FIGN: variants seen among roughly 807,000 people sequenced by gnomAD.
The protein encoded by FIGN is fidgetin.
Under a neutral mutation model 51.3 loss-of-function variants are expected in FIGN, and 11 were observed. The observed-to-expected ratio is 0.21, with a 90% CI of 0.13 to 0.35. The LOEUF (loss-of-function observed/expected upper bound fraction) is 0.35. Ranked by LOEUF, FIGN falls within the 10% of genes least tolerant of loss-of-function variation. FIGN has a pLI of 1.00. For missense variants in FIGN, 857 were observed against 943.6 expected (o/e 0.91, Z 1.20); for synonymous variants, 407 against 363.2 (o/e 1.12, Z -1.37).
chr2:163,624,706 A>ATT (rs1359391782), intron 2 of FIGN, among the ~76,000 whole-genome samples: 39 of 133,804 alleles, frequency 2.9e-4, no homozygotes, highest in African/African-American at 7.5e-4. Context: ...ATATATATAT[A>ATT]TATTTTTTTT....
At chr2:163,648,963 T>G (rs1683427417) in intron 2 of FIGN, among the ~76,000 whole-genome samples, 1 of 152,166 alleles carries the variant, frequency 6.6e-6, no homozygotes. Context: ...ATTGGTACAC[T>G]TTAATTTTTT....
At chr2:163,662,042 G>A (rs1036671606) in intron 2 of FIGN, among the ~76,000 whole-genome samples, 3 of 152,166 alleles carry the variant, frequency 2.0e-5, no homozygotes, top group African/African-American at 4.8e-5. Context: ...GGCAGAGGTT[G>A]GAAGAGTTTG....
chr2:163,634,313 T>A (rs1683193670), intron 2 of FIGN, among the ~76,000 whole-genome samples: 1 of 152,166 alleles, frequency 6.6e-6, no homozygotes, highest in South Asian at 2.1e-4. Context: ...CACTTTAATA[T>A]ATTTTGAATT....
At chr2:163,723,013 T>C (rs7606895) in intron 2 of FIGN, among the ~76,000 whole-genome samples, 41,538 of 151,436 alleles carry the variant, frequency 0.27, 7,558 homozygotes, top group African/African-American at 0.52. Context: ...GGTGAAACCC[T>C]GTCTCTCCTA....
In FIGN at chr2:163,675,620, C is replaced by T. The variant is rs1348241297; in HGVS notation, c.25+59283G>A. ...TTCTTGATCCAGATATCTGCATGTG[C>T]GCATGCCCAGCCCTTGTGTTTCTAG... On this transcript the variant is annotated intron_variant, in intron 2 of 2. Transcript: ENST00000333129. 4.5e-4 allele frequency among the ~76,000 whole-genome samples: 69 copies of T among 151,742 alleles called. 1 individual carries two copies. The highest frequency in any genetic ancestry group is 2.1e-4 in the South Asian group (1 of 4,824).
rs1459749587 is a variant in FIGN, at chr2:163,676,434, A to AAAAT, written c.25+58468_25+58469insATTT. ...ATTAAAACATCTCATGGATTCCTGG[A>AAAAT]ATATATATATATATATATATATATA... On this transcript the variant is annotated intron_variant, in intron 2 of 2. Transcript: ENST00000333129. Among the ~76,000 whole-genome samples the AAAAT allele has an allele frequency of 3.8e-4, 25 of 65,856 alleles. 2 individuals carry two copies. Among genetic ancestry groups the AAAAT allele is most frequent in the Non-Finnish European group, 4.7e-4 (15 of 31,670 alleles). The allele number at this position is 65,856 out of a possible 152,430, so 43.2% of individuals were successfully genotyped here. A position where few individuals can be genotyped will look rare whatever the true frequency, so the allele number is the denominator to read the frequency against.
At chr2:163,660,738 C>T (rs1248500151) in intron 2 of FIGN, among the ~76,000 whole-genome samples, 18 of 100,678 alleles carry the variant, frequency 1.8e-4, no homozygotes, top group African/African-American at 6.6e-4. Flanking sequence ...TACACATATA[C>T]ATATATATGT....
rs56890172 is a variant in FIGN at position 163,705,673 on chromosome 2, G to C, written c.25+29230C>G. Among the ~76,000 whole-genome samples the C allele has an allele frequency of 2.8e-3, 428 of 150,770 alleles. 1 individual carries two copies. The highest frequency in any genetic ancestry group is 0.01 in the African/African-American group (413 of 41,120). On this transcript the variant is annotated intron_variant, in intron 2 of 2. Transcript: ENST00000333129. ...TTTTGACAATCCTAATAGATGTGATGCAAGATTACTCCCCACAACTCTCAA... is the reference window on the plus strand; with the variant it reads ...TTTTGACAATCCTAATAGATGTGATCCAAGATTACTCCCCACAACTCTCAA...
At chr2:163,731,347 A>T (rs558958413) in intron 2 of FIGN, among the ~76,000 whole-genome samples, 1 of 152,296 alleles carries the variant, frequency 6.6e-6, no homozygotes, top group East Asian at 1.9e-4. Context: ...TTAGAAATGC[A>T]AAGTAATAAT....
intron 1 of FIGN, among the ~76,000 whole-genome samples, chr2:163,735,557 C>T (rs180845207): frequency 2.0e-5 from 3 of 152,214 alleles, no homozygotes; most frequent in Non-Finnish European, 2.9e-5. Context: ...CCCAATATAG[C>T]GAAAAGCGAG....
intron 2 of FIGN, among the ~76,000 whole-genome samples, chr2:163,706,381 G>A (rs1205383647): frequency 6.6e-6 from 1 of 152,094 alleles, no homozygotes; most frequent in Non-Finnish European, 1.5e-5. Flanking sequence ...AGTATGTAAA[G>A]ATGGCGGCTT....
chr2:163,661,169 C>G (rs1683672952), intron 2 of FIGN, among the ~76,000 whole-genome samples: 1 of 150,540 alleles, frequency 6.6e-6, no homozygotes, highest in South Asian at 2.1e-4. Flanking sequence ...CAGGCGTGAG[C>G]CACCGCGCCT....
At chr2:163,733,599 A>T (rs1684965236) in intron 2 of FIGN, among the ~76,000 whole-genome samples, 1 of 152,226 alleles carries the variant, frequency 6.6e-6, no homozygotes. Flanking sequence ...AACATTTCTC[A>T]GGGCAAATTA....
At chr2:163,707,040 T>C (rs1482341399) in intron 2 of FIGN, among the ~76,000 whole-genome samples, 1 of 152,212 alleles carries the variant, frequency 6.6e-6, no homozygotes, top group Non-Finnish European at 1.5e-5. Context: ...ACAAGAGTTA[T>C]ATAATTATTC....
At chr2:163,635,855 A>T (rs1486328400) in intron 2 of FIGN, among the ~76,000 whole-genome samples, 1 of 152,220 alleles carries the variant, frequency 6.6e-6, no homozygotes, top group Non-Finnish European at 1.5e-5. Flanking sequence ...AGATCACTAA[A>T]GAAAATGAAA....
At chr2:163,723,456 C>T (rs916195651) in intron 2 of FIGN, among the ~76,000 whole-genome samples, 9 of 152,152 alleles carry the variant, frequency 5.9e-5, no homozygotes, top group African/African-American at 2.2e-4. Flanking sequence ...CTAAAGGAGA[C>T]ATTTCAAATG....
intron 2 of FIGN, among the ~76,000 whole-genome samples, chr2:163,725,943 C>T (rs1045367147): frequency 6.6e-6 from 1 of 151,994 alleles, no homozygotes; most frequent in Non-Finnish European, 1.5e-5. Context: ...CCAGCTCCAA[C>T]TGGACATTCA....
intron 2 of FIGN, among the ~76,000 whole-genome samples, chr2:163,705,164 A>G (rs1684478947): frequency 6.6e-6 from 1 of 152,196 alleles, no homozygotes; most frequent in Admixed American, 6.6e-5. Context: ...TGTGTTTAAT[A>G]CACATGTGAA....
In FIGN at chr2:163,618,924, C is replaced by CT. The variant is rs200456005; in HGVS notation, c.26-7119dup. ...AAAAGTTAAAAACATTTTCCAAATA[C>CT]TTTTTTTTATGATAAGAGAACCTCC... On this transcript the variant is annotated intron_variant, in intron 2 of 2. Transcript: ENST00000333129. Among the ~76,000 whole-genome samples, 1,155 of 152,008 alleles carry CT rather than the reference C, an allele frequency of 7.6e-3. 15 individuals are homozygous for CT. Among genetic ancestry groups the CT allele is most frequent in the African/African-American group, 0.025 (1,034 of 41,450 alleles).
Sources: gnomAD v4.1 joint callset for allele counts (sites outside exome capture counted in the v4.1 genomes callset) on GRCh38, gnomAD v4.1.1 for gene constraint, MANE v1.5 for transcripts, NCBI Gene and HGNC (gene_info 2026-07-23, HGNC 2026-07-21) for gene names.